Variants in CASZ1 observed in about 807,000 individuals in gnomAD.
CASZ1 encodes the protein zinc finger protein castor homolog 1.
A neutral mutation model predicts 135.2 loss-of-function variants in CASZ1; 28 were observed. The ratio of observed to expected loss-of-function variants is 0.21; its 90% CI spans 0.15 to 0.28. The LOEUF (loss-of-function observed/expected upper bound fraction) is 0.28. Ranked by LOEUF, CASZ1 falls within the 10% of genes least tolerant of loss-of-function variation. CASZ1 has a pLI of 1.00. For missense variants in CASZ1, 2,161 were observed against 2,453.3 expected, an observed-to-expected ratio of 0.88 and a Z score of 2.52; for synonymous variants, 1,068 against 1,073.4, an observed-to-expected ratio of 0.99 and a Z score of 0.10.
At position 10,665,133 on chromosome 1, in the gene CASZ1, T is replaced by A. The variant is rs576863717; in HGVS notation, c.455A>T (p.Asp152Val). 4.2e-5 allele frequency: 64 copies of A among 1,527,252 alleles called. 1 individual carries two copies. The South Asian group carries it at 7.9e-4, about 19-fold the overall frequency. The allele number at this position is 1,527,252 out of a possible 1,614,324, so 94.6% of individuals were successfully genotyped here. The change falls in exon 5 of 21, where the codon GAC becomes GTC. Residue 152 changes from aspartate (D) to valine (V), a missense_variant. Transcript: ENST00000377022. ...DGGALEEKDS[D>V]GAASKEDSGP... Reference sequence around the variant, plus strand: ...GCTGTCCTCCTTGGAGGCTGCCCCGTCCGAATCCTTCTCCTCCAGGGCACC... The same window carrying A: ...GCTGTCCTCCTTGGAGGCTGCCCCGACCGAATCCTTCTCCTCCAGGGCACC...
rs1639483676 is a variant in CASZ1, at chr1:10,720,842, G to A, written c.-76-15298C>T. ...AAGCTGGAGGGTTAGGGCTGGCCAAGGGACCAAGGGGAGAGGCAGGCATGG... is the reference window on the plus strand; with the variant it reads ...AAGCTGGAGGGTTAGGGCTGGCCAAAGGACCAAGGGGAGAGGCAGGCATGG... On this transcript the variant is annotated intron_variant, in intron 2 of 20. Transcript: ENST00000377022. The surrounding 1 kb of genome is among the most constrained non-coding windows in gnomAD (Gnocchi z 5.7). Among the ~76,000 whole-genome samples, 1 of 152,148 alleles carries A rather than the reference G, an allele frequency of 6.6e-6. No homozygotes were observed. Among genetic ancestry groups the A allele is most frequent in the Non-Finnish European group, 1.5e-5 (1 of 68,028 alleles).
chr1:10,685,676 C>G (rs567863643), intron 4 of CASZ1, among the ~76,000 whole-genome samples: 99 of 152,212 alleles, frequency 6.5e-4, no homozygotes, highest in Admixed American at 5.4e-3. Flanking sequence ...CCCCCGGGCA[C>G]GAAGCTGGCC....
intron 4 of CASZ1, among the ~76,000 whole-genome samples, chr1:10,668,944 G>A (rs1643319377): frequency 6.6e-6 from 1 of 152,248 alleles, no homozygotes; most frequent in Non-Finnish European, 1.5e-5. Flanking sequence ...GGACAGAGAA[G>A]AGGCCAGAGG....
At chr1:10,778,818 G>C (rs1422411470) in intron 1 of CASZ1, among the ~76,000 whole-genome samples, 1 of 152,140 alleles carries the variant, frequency 6.6e-6, no homozygotes, top group Non-Finnish European at 1.5e-5. Flanking sequence ...AGCAAAGGCG[G>C]TTGGCAGTTG....
Position 10,638,483 on chromosome 1 carries a change from G to T in CASZ1, c.*459C>A, listed in dbSNP as rs1253195428. On this transcript the variant is annotated 3_prime_UTR_variant, in exon 21 of 21. Transcript: ENST00000377022. The surrounding 1 kb of genome is among the most constrained non-coding windows in gnomAD (Gnocchi z 5.9). Reference sequence around the variant, plus strand: ...CCTTCTGCCCGTCTCCCCCTGGGCAGGGGGGAGGATCCTAGCTGCATGAGG... The same window carrying T: ...CCTTCTGCCCGTCTCCCCCTGGGCATGGGGGAGGATCCTAGCTGCATGAGG... 4 of 152,010 alleles carry T rather than the reference G, an allele frequency of 2.6e-5. No homozygotes were observed. Among genetic ancestry groups the T allele is most frequent in the African/African-American group, 9.7e-5 (4 of 41,396 alleles). The allele number at this position is 152,010 out of a possible 1,614,324, so 9.4% of individuals were successfully genotyped here.
chr1:10,689,221 T>C (rs922738486), intron 4 of CASZ1, among the ~76,000 whole-genome samples: 1 of 151,894 alleles, frequency 6.6e-6, no homozygotes, highest in African/African-American at 2.4e-5. Flanking sequence ...AGAAGAGGAG[T>C]TGGGGCCAAG....
chr1:10,661,499 CACAT>C (rs1238053813), intron 5 of CASZ1: 1 of 148,062 alleles, frequency 6.8e-6, no homozygotes, highest in African/African-American at 2.6e-5. Context: ...TGCACACAAT[CACAT>C]ACAACACACA....
intron 1 of CASZ1, among the ~76,000 whole-genome samples, chr1:10,782,712 G>A (rs61227177): frequency 0.039 from 5,863 of 152,232 alleles, 182 homozygotes; most frequent in East Asian, 0.12. Flanking sequence ...TAACTCATTC[G>A]GGATCGCTGG....
intron 4 of CASZ1, among the ~76,000 whole-genome samples, chr1:10,670,652 T>C (rs1385866088): frequency 3.3e-5 from 5 of 152,188 alleles, no homozygotes; most frequent in African/African-American, 1.2e-4. Flanking sequence ...GACTTGGGAA[T>C]GAACACTTCA....
In CASZ1 at chr1:10,660,798, G is replaced by A. The variant is rs528912903; in HGVS notation, c.506-262C>T. On this transcript the variant is annotated intron_variant, in intron 5 of 20. Coordinates refer to ENST00000377022, the MANE Select transcript of CASZ1 (RefSeq NM_001079843.3). ...AATCAATTTCCTAAATGTTCTGGCC[G>A]ATGGCTTTTCAGTACATTAAACAAA... is the stretch of plus-strand genomic sequence containing the variant. 465 of 523,296 alleles carry A rather than the reference G, an allele frequency of 8.9e-4. 6 individuals carry two copies. In the South Asian group the frequency reaches 9.8e-3, roughly 11 times the overall value. 32.4% of individuals were successfully genotyped at this position (523,296 alleles called of 1,614,324 possible).
chr1:10,675,770 G>A (rs1400253427), intron 4 of CASZ1, among the ~76,000 whole-genome samples: 2 of 151,346 alleles, frequency 1.3e-5, no homozygotes, highest in Non-Finnish European at 1.5e-5. Flanking sequence ...AAGGACTCGG[G>A]GGCCAGCCAG....
At chr1:10,663,790 G>A (rs1643132427) in intron 5 of CASZ1, among the ~76,000 whole-genome samples, 2 of 152,240 alleles carry the variant, frequency 1.3e-5, no homozygotes, top group Non-Finnish European at 2.9e-5. Context: ...TCGGGCTGAG[G>A]GGGCGAGGCC....
Position 10,699,951 on chromosome 1 carries a change from C to T in CASZ1, c.-24+5541G>A, listed in dbSNP as rs1639021752. Among the ~76,000 whole-genome samples the T allele has an allele frequency of 6.7e-6, 1 of 150,246 alleles. No homozygotes were observed. Among genetic ancestry groups the T allele is most frequent in the Non-Finnish European group, 1.5e-5 (1 of 67,662 alleles). On this transcript the variant is annotated intron_variant, in intron 3 of 20. Coordinates refer to ENST00000377022, the MANE Select transcript of CASZ1 (RefSeq NM_001079843.3). This position sits in a 1 kb window ranked among gnomAD's most constrained non-coding sequence, Gnocchi z 4.6. ...GTGGGAAGAAAAAGGTGAGAAGAAA[C>T]AGAAGAGAAGCAGAGACAGAGAGAG...
chr1:10,718,984 C>T (rs987906134), intron 2 of CASZ1, among the ~76,000 whole-genome samples: 1 of 149,466 alleles, frequency 6.7e-6, no homozygotes, highest in African/African-American at 2.5e-5. Context: ...GTGATCTCTG[C>T]TCACTGCAAC....
intron 2 of CASZ1, among the ~76,000 whole-genome samples, chr1:10,731,302 G>T (rs1639698852): frequency 6.6e-6 from 1 of 152,184 alleles, no homozygotes; most frequent in South Asian, 2.1e-4. Context: ...AAATAATTTA[G>T]CTGGGCGTGG....
chr1:10,761,341 C>T (rs1162525676), intron 1 of CASZ1, among the ~76,000 whole-genome samples: 4 of 152,246 alleles, frequency 2.6e-5, no homozygotes, highest in African/African-American at 9.6e-5. Flanking sequence ...CCCCTGACCC[C>T]TGGGTGGCCT....
At chr1:10,758,328 CTTTTTTTTT>C (rs756390835) in intron 2 of CASZ1, among the ~76,000 whole-genome samples, 1 of 134,362 alleles carries the variant, frequency 7.4e-6, no homozygotes, top group Non-Finnish European at 1.6e-5. Context: ...CTCTCTCTCT[CTTTTTTTTT>C]TTTTTTTTTT....
chr1:10,723,490 C>G (rs981872980), intron 2 of CASZ1, among the ~76,000 whole-genome samples: 1 of 152,224 alleles, frequency 6.6e-6, no homozygotes, highest in Non-Finnish European at 1.5e-5. Flanking sequence ...TCAAGCCAGG[C>G]GCCAGCCTCT....
intron 3 of CASZ1, among the ~76,000 whole-genome samples, chr1:10,703,338 C>T (rs1639103325): frequency 6.6e-6 from 1 of 152,134 alleles, no homozygotes; most frequent in African/African-American, 2.4e-5. Flanking sequence ...GTGTAACCTC[C>T]AGGGCCTTCT....
Sources: gnomAD v4.1 joint callset for allele counts (sites outside exome capture counted in the v4.1 genomes callset) on GRCh38, gnomAD v4.1.1 for gene constraint, Gnocchi (gnomAD v3.1) non-coding constraint, MANE v1.5 for transcripts, NCBI Gene and HGNC (gene_info 2026-07-23, HGNC 2026-07-21) for gene names.